GALNS: variants seen among roughly 807,000 people sequenced by gnomAD.
GALNS encodes the protein N-acetylgalactosamine-6-sulfatase.
A neutral mutation model predicts 65.9 loss-of-function variants in GALNS; 65 were observed. The ratio of observed to expected loss-of-function variants is 0.99; its 90% CI spans 0.81 to 1.21. GALNS has a LOEUF of 1.21. Among genes scored for constraint, GALNS ranks in the 50% most tolerant of loss-of-function variants. The probability of loss-of-function intolerance (pLI) is 0.00; values close to 1 mark genes in which losing one functional copy is unlikely to be tolerated. For synonymous variants in GALNS, 346 were observed against 288.9 expected (o/e 1.20, Z -2.00); for missense variants, 776 against 700.7 (o/e 1.11, Z -1.21).
chr16:88,820,330 T>G lies in GALNS; in HGVS notation c.1365-2206A>C, dbSNP rs201061643. Among the ~76,000 whole-genome samples the G allele has an allele frequency of 2.6e-5, 4 of 151,906 alleles. No individual in the cohort carries two copies. The East Asian group carries it at 7.7e-4, about 29-fold the overall frequency. ...TTTTGGTAGAGATGGGATTTCACCATGTAGGCCAGGCTGGTCTCAAACTCC... is the reference window on the plus strand; with the variant it reads ...TTTTGGTAGAGATGGGATTTCACCAGGTAGGCCAGGCTGGTCTCAAACTCC... On this transcript the variant is annotated intron_variant, in intron 12 of 13. Coordinates refer to ENST00000268695, the MANE Select transcript of GALNS (RefSeq NM_000512.5).
Position 88,835,343 on chromosome 16 carries a change from G to C in GALNS, c.768C>G (p.Asp256Glu), listed in dbSNP as rs746924355. The change falls in exon 8 of 14, where the codon GAC becomes GAG. Residue 256 changes from aspartate (D) to glutamate (E), a missense_variant. Asp to Glu is a conservative substitution (Grantham distance 45). Coordinates refer to ENST00000268695, the MANE Select transcript of GALNS (RefSeq NM_000512.5). ...TGCTGTCATCAATCTCCCGGACGGC[G>C]TCTCCATACCTGCAGGATGGTGACA... ...LGTSQRGRYG[D>E]AVREIDDSIG... 1.2e-5 allele frequency: 19 copies of C among 1,613,570 alleles called. No homozygotes were observed. The highest frequency in any genetic ancestry group is 8.5e-7 in the Non-Finnish European group (1 of 1,179,900).
At chr16:88,842,964 A>G in intron 1 of GALNS, 135 bp from the exon 2 acceptor site, 1 of 1,529,706 alleles carries the variant, frequency 6.5e-7, no homozygotes, top group Non-Finnish European at 8.8e-7. Flanking sequence ...CCAGCGGCAG[A>G]GCTCGGCCAA....
chr16:88,833,807 G>A (rs1258238593), intron 8 of GALNS, among the ~76,000 whole-genome samples: 1 of 152,156 alleles, frequency 6.6e-6, no homozygotes. Context: ...CTGGGTGCTG[G>A]GTGTGTGGGT....
At chr16:88,822,822 G>C in intron 11 of GALNS, 112 bp from the exon 12 acceptor site, 1 of 1,484,338 alleles carries the variant, frequency 6.7e-7, no homozygotes, top group East Asian at 2.6e-5. Flanking sequence ...GGCCTTGTCT[G>C]CCTGTGTCCT....
intron 1 of GALNS, among the ~76,000 whole-genome samples, chr16:88,848,119 G>C (rs746489911): frequency 1.8e-4 from 27 of 152,310 alleles, no homozygotes; most frequent in East Asian, 1.5e-3. Context: ...TCCATTCACC[G>C]GACACGTCAG....
intron 9 of GALNS, among the ~76,000 whole-genome samples, chr16:88,829,160 C>T (rs528594002): frequency 6.6e-6 from 1 of 152,094 alleles, no homozygotes; most frequent in African/African-American, 2.4e-5. Flanking sequence ...CTCATGCCAA[C>T]GTCTCCCAGA....
chr16:88,848,162 C>T (rs929753733), intron 1 of GALNS, among the ~76,000 whole-genome samples: 2 of 152,164 alleles, frequency 1.3e-5, no homozygotes, highest in Admixed American at 6.5e-5. Context: ...GAAAGGGGAG[C>T]GGGTCGGCCA....
chr16:88,841,014 C>A lies in GALNS; in HGVS notation c.400G>T (p.Val134Phe), dbSNP rs886052457. Residue 134 changes from valine (V) to phenylalanine (F), a missense_variant, in exon 4 of 14, where the codon GTC (valine) becomes TTC (phenylalanine). Val to Phe is a conservative substitution (Grantham distance 50). Coordinates refer to ENST00000268695, the MANE Select transcript of GALNS (RefSeq NM_000512.5). ...LPELLKKAGY[V>F]SKIVGKWHLG... ...TACCACTTGCCGACAATCTTGCTGA[C>A]GTAGCCGGCCTTCTTCAGAAGCTCC... The A allele has an allele frequency of 1.2e-6, 2 of 1,613,142 alleles. No individual in the cohort carries two copies. Among genetic ancestry groups the A allele is most frequent in the East Asian group, 2.2e-5 (1 of 44,892 alleles).
At chr16:88,856,402 G>A (rs1309652364) in intron 1 of GALNS, 10 of 701,572 alleles carry the variant, frequency 1.4e-5, no homozygotes, top group Non-Finnish European at 2.6e-5. Flanking sequence ...TAGAGGGCGG[G>A]AAAGGTCAGA....
intron 8 of GALNS, 36 bp downstream of exon 8, chr16:88,835,177 G>T (rs1301508795): frequency 1.9e-6 from 3 of 1,556,574 alleles, no homozygotes; most frequent in Non-Finnish European, 1.7e-6. Flanking sequence ...CACGCTGGCT[G>T]TGGGGAAACC....
At position 88,837,660 on chromosome 16, in the gene GALNS, G is replaced by A. The variant is rs138981472; in HGVS notation, c.528C>T (p.Pro176=). 5.0e-6 allele frequency: 8 copies of A among 1,613,858 alleles called. No homozygotes were observed. The highest frequency in any genetic ancestry group is 1.1e-5 in the South Asian group (1 of 91,082). The change falls in exon 5 of 14, where the codon CCC becomes CCT. Residue 176 remains proline (P), a synonymous_variant. Coordinates refer to ENST00000268695, the MANE Select transcript of GALNS (RefSeq NM_000512.5). ...HFGPYDNKAR[P]NIPVYRDWEM... ...CCCAGTCCCTGTACACAGGGATGTT[G>A]GGCCTGGCCTTGTTGTCATAAGGTC... is the stretch of plus-strand genomic sequence containing the variant.
intron 12 of GALNS, among the ~76,000 whole-genome samples, chr16:88,820,304 A>G (rs1910074230): frequency 6.8e-6 from 1 of 147,826 alleles, no homozygotes; most frequent in East Asian, 2.1e-4. Flanking sequence ...AATTTTTTGT[A>G]TTTTGGTAGA....
intron 1 of GALNS, 193 bp downstream of exon 1, chr16:88,856,565 C>T (rs1374095310): frequency 1.6e-6 from 1 of 639,934 alleles, no homozygotes; most frequent in Non-Finnish European, 2.8e-6. Context: ...GGGCCTCCCC[C>T]TCCCCGCACG....
At chr16:88,816,059 G>A (rs1032402231) in intron 13 of GALNS, 10 of 985,298 alleles carry the variant, frequency 1.0e-5, no homozygotes, top group East Asian at 1.1e-4. Flanking sequence ...CTCCCCCATG[G>A]CTCTGCTCAC....
At chr16:88,822,043 T>G (rs1445922912) in intron 12 of GALNS, among the ~76,000 whole-genome samples, 2 of 152,098 alleles carry the variant, frequency 1.3e-5, no homozygotes, top group Non-Finnish European at 2.9e-5. Context: ...TTGGGGCCTC[T>G]GTGTCGCCCC....
chr16:88,819,170 C>T lies in GALNS; in HGVS notation c.1365-1046G>A, dbSNP rs529282890. On this transcript the variant is annotated intron_variant, in intron 12 of 13. Transcript: ENST00000268695. ...ACACGGAAGCTGCATGCAACAGGGACGGGGATGCGCCCCCCTCCCCACCCC... is the reference window on the plus strand; with the variant it reads ...ACACGGAAGCTGCATGCAACAGGGATGGGGATGCGCCCCCCTCCCCACCCC... 6.6e-4 allele frequency among the ~76,000 whole-genome samples: 100 copies of T among 152,312 alleles called. 1 individual carries two copies. Among genetic ancestry groups the T allele is most frequent in the African/African-American group, 2.3e-3 (96 of 41,568 alleles).
In GALNS at chr16:88,837,814, CG is replaced by C. The variant is rs753070230; in HGVS notation, c.423-50del. On this transcript the variant is annotated intron_variant, in intron 4 of 13. Transcript: ENST00000268695. ...TTCAGGGACCCCACGTGGGGACACT[CG>C]GAAGTTCTGAGCAGCAACAGATACC... 10 of 1,606,220 alleles carry C rather than the reference CG, an allele frequency of 6.2e-6. No individual in the cohort carries two copies. The African/African-American group carries it at 1.1e-4, about 17-fold the overall frequency.
chr16:88,814,609 G>C (rs1043256473), intron 13 of GALNS, 84 bp from the exon 14 acceptor site: 7 of 1,543,630 alleles, frequency 4.5e-6, no homozygotes, highest in Non-Finnish European at 6.1e-6. Flanking sequence ...TGTTGTTGCT[G>C]TTCTGAGACA....
chr16:88,856,089 G>A (rs1967846370), intron 1 of GALNS: 1 of 682,072 alleles, frequency 1.5e-6, no homozygotes, highest in African/African-American at 1.8e-5. Flanking sequence ...GTCTCCAGGT[G>A]GCTCCCACAA....
Sources: gnomAD v4.1 joint callset for allele counts (sites outside exome capture counted in the v4.1 genomes callset) on GRCh38, gnomAD v4.1.1 for gene constraint, MANE v1.5 for transcripts, NCBI Gene and HGNC (gene_info 2026-07-23, HGNC 2026-07-21) for gene names.